Variants in ICE1 observed in about 807,000 individuals in gnomAD.
ICE1 encodes interactor of little elongation complex ELL subunit 1.
A neutral mutation model predicts 192.7 loss-of-function variants in ICE1; 64 were observed. The ratio of observed to expected loss-of-function variants is 0.33; its 90% CI spans 0.27 to 0.41. ICE1 has a LOEUF of 0.41. Among genes scored for constraint, ICE1 ranks in the 10% least tolerant of loss-of-function variants. ICE1 has a pLI of 1.00. For synonymous variants in ICE1, 1,010 were observed against 984.5 expected, an observed-to-expected ratio of 1.03 and a Z score of -0.49; for missense variants, 2,708 against 2,696.0, an observed-to-expected ratio of 1.00 and a Z score of -0.10.
intron 1 of ICE1, 143 bp downstream of exon 1, chr5:5,423,142 C>T (rs1357618475): frequency 9.2e-6 from 4 of 434,844 alleles, no homozygotes; most frequent in East Asian, 3.8e-5. Context: ...TCGCTCGTCT[C>T]TCTGCTCTCT....
intron 1 of ICE1, among the ~76,000 whole-genome samples, chr5:5,428,661 C>T (rs749186253): frequency 6.6e-6 from 1 of 152,160 alleles, no homozygotes; most frequent in Non-Finnish European, 1.5e-5. Flanking sequence ...AACATAATTA[C>T]CCTACACCCC....
chr5:5,464,747 G>A lies in ICE1; in HGVS notation c.5413G>A (p.Ala1805Thr), dbSNP rs1738927020. 6.2e-7 allele frequency: 1 copy of A among 1,613,742 alleles called. No individual in the cohort carries two copies. Among genetic ancestry groups the A allele is most frequent in the Non-Finnish European group, 8.5e-7 (1 of 1,179,858 alleles). Residue 1805 changes from alanine (A) to threonine (T), a missense_variant, in exon 13 of 19, where the codon GCT becomes ACT. Ala to Thr is a moderately conservative substitution (Grantham distance 58). This residue lies in a region of ICE1 where 2,366 missense variants were observed against 2,276.6 expected (regional missense o/e 1.04). Coordinates refer to ENST00000296564, the MANE Select transcript of ICE1 (RefSeq NM_015325.3). The surrounding 1 kb of genome is among the most constrained non-coding windows in gnomAD (Gnocchi z 4.0). ...GFKTITSAATAFVKTGSSSGG... is the reference protein window; with the variant it reads ...GFKTITSAATTFVKTGSSSGG... ...CAAAACGATCACTTCAGCAGCAACT[G>A]CTTTTGTCAAAACTGGGAGCAGCTC...
chr5:5,479,343 GCTC>G (rs1284274122), intron 17 of ICE1, among the ~76,000 whole-genome samples: 1 of 152,194 alleles, frequency 6.6e-6, no homozygotes, highest in Admixed American at 6.5e-5. Flanking sequence ...ATGAAAAAAA[GCTC>G]ATCATTCACT....
At position 5,443,155 on chromosome 5, in the gene ICE1, TCTTTTTTTA is replaced by T; in HGVS notation, c.310-12_310-4del. 2 of 1,418,708 alleles carry T rather than the reference TCTTTTTTTA, an allele frequency of 1.4e-6. No individual in the cohort carries two copies. The highest frequency in any genetic ancestry group is 1.9e-6 in the Non-Finnish European group (2 of 1,048,592). The allele number at this position is 1,418,708 out of a possible 1,614,324, so 87.9% of individuals were successfully genotyped here. A position where few individuals can be genotyped will look rare whatever the true frequency, so the allele number is the denominator to read the frequency against. On this transcript the variant is annotated splice_polypyrimidine_tract_variant and splice_region_variant and intron_variant, in intron 5 of 18. Transcript: ENST00000296564. The stretch of plus-strand genomic sequence containing the variant: ...TCATTTTGACAATATCTGTTTTTTT[TCTTTTTTTA>T]AAGAGTTCTTTAAAGTTGTATCAGG...
chr5:5,447,627 C>T, intron 8 of ICE1, 94 bp from the exon 9 acceptor site: 1 of 1,378,908 alleles, frequency 7.3e-7, no homozygotes, highest in Non-Finnish European at 1.0e-6. Context: ...AAAACAGTCC[C>T]AGCTGCCTGT....
intron 10 of ICE1, among the ~76,000 whole-genome samples, chr5:5,448,327 G>A (rs960767127): frequency 6.6e-6 from 1 of 152,184 alleles, no homozygotes; most frequent in African/African-American, 2.4e-5. Context: ...AGTATAGACA[G>A]AAAAGTTTAG....
At chr5:5,427,663 A>G (rs747989394) in intron 1 of ICE1, among the ~76,000 whole-genome samples, 4 of 152,198 alleles carry the variant, frequency 2.6e-5, no homozygotes, top group Non-Finnish European at 5.9e-5. Context: ...AACTTGAAAC[A>G]TTTTATTCCA....
Position 5,461,083 on chromosome 5 carries a change from C to T in ICE1, c.1749C>T (p.Gly583=), listed in dbSNP as rs1199839842. The part of the protein sequence containing the change: ...TSEPDRITVS[G]HFHRLSRELE... ...AACCAGACCGTATCACAGTTTCTGG[C>T]CATTTTCACAGACTATCTAGAGAAT... Residue 583 remains glycine (G), a synonymous_variant, in exon 13 of 19, where the codon GGC becomes GGT. Transcript: ENST00000296564. 1.2e-6 allele frequency: 2 copies of T among 1,613,990 alleles called. No homozygotes were observed. The highest frequency in any genetic ancestry group is 1.7e-6 in the Non-Finnish European group (2 of 1,179,900).
chr5:5,480,649 A>G (rs987277670), intron 17 of ICE1, among the ~76,000 whole-genome samples: 1 of 152,202 alleles, frequency 6.6e-6, no homozygotes, highest in Non-Finnish European at 1.5e-5. Context: ...ACAGTAGGAA[A>G]TACCCTGTGA....
chr5:5,463,805 T>C lies in ICE1; in HGVS notation c.4471T>C (p.Cys1491Arg), dbSNP rs765674453. Residue 1491 changes from cysteine (C) to arginine (R), a missense_variant, in exon 13 of 19, where the codon TGT becomes CGT. Physicochemically the swap from Cys to Arg is radical, Grantham distance 180 (BLOSUM62 -3). Transcript: ENST00000296564. Reference protein sequence around the residue: ...QEAPCGNNLSCPQEDVSSSGQ... With the variant: ...QEAPCGNNLSRPQEDVSSSGQ... ...GGCTCCATGTGGCAATAATCTTTCA[T>C]GTCCCCAAGAGGATGTTTCAAGCAG... 8 of 1,613,898 alleles carry C rather than the reference T, an allele frequency of 5.0e-6. No homozygotes were observed. In the East Asian group the frequency reaches 1.3e-4, roughly 27 times the overall value.
intron 1 of ICE1, among the ~76,000 whole-genome samples, chr5:5,426,296 T>G (rs755313830): frequency 1.3e-5 from 2 of 151,994 alleles, no homozygotes; most frequent in African/African-American, 2.4e-5. Context: ...AATACAAAAA[T>G]TAGCCGGGCA....
intron 1 of ICE1, among the ~76,000 whole-genome samples, chr5:5,423,792 C>T (rs940926480): frequency 2.6e-5 from 4 of 152,146 alleles, no homozygotes; most frequent in Non-Finnish European, 4.4e-5. Context: ...ACGGAACTCA[C>T]CAGCACCTCA....
intron 15 of ICE1, among the ~76,000 whole-genome samples, chr5:5,471,689 C>T (rs542113460): frequency 2.6e-5 from 4 of 152,054 alleles, no homozygotes; most frequent in Non-Finnish European, 5.9e-5. Context: ...TATTCCTAGA[C>T]TAGGAAATGA....
At chr5:5,473,347 T>C (rs527640780) in intron 15 of ICE1, among the ~76,000 whole-genome samples, 1 of 152,224 alleles carries the variant, frequency 6.6e-6, no homozygotes, top group Non-Finnish European at 1.5e-5. Context: ...GCATCCTGCC[T>C]ATATTGCTTT....
At chr5:5,457,879 G>A in intron 12 of ICE1, 138 bp downstream of exon 12, 1 of 809,714 alleles carries the variant, frequency 1.2e-6, no homozygotes, top group Middle Eastern at 2.4e-4. Context: ...GGTAACATGA[G>A]GTTTTTAAAA....
At chr5:5,426,199 A>T (rs1275628106) in intron 1 of ICE1, among the ~76,000 whole-genome samples, 1 of 152,218 alleles carries the variant, frequency 6.6e-6, no homozygotes, top group African/African-American at 2.4e-5. Context: ...TGTAATCCCA[A>T]CACTTTGGGA....
intron 12 of ICE1, among the ~76,000 whole-genome samples, chr5:5,458,023 T>C (rs1328113989): frequency 1.3e-5 from 2 of 152,214 alleles, no homozygotes; most frequent in Non-Finnish European, 2.9e-5. Context: ...TTAATTGTTT[T>C]TATCTCTTGA....
chr5:5,457,241 C>G, intron 11 of ICE1, 91 bp from the exon 12 acceptor site: 1 of 1,222,394 alleles, frequency 8.2e-7, no homozygotes. Context: ...GCATTTTGAA[C>G]TGTTGTAATA....
chr5:5,486,202 G>T (rs1739634488), intron 17 of ICE1, among the ~76,000 whole-genome samples: 1 of 152,210 alleles, frequency 6.6e-6, no homozygotes, highest in African/African-American at 2.4e-5. Flanking sequence ...TGGCAGTGGA[G>T]AATAACTCCC....
Sources: allele counts gnomAD v4.1 joint callset (sites outside exome capture counted in the v4.1 genomes callset), GRCh38; gene constraint gnomAD v4.1.1; regional missense constraint gnomAD v4.1.1; non-coding constraint Gnocchi (gnomAD v3.1); transcripts MANE v1.5; gene names NCBI Gene and HGNC (gene_info 2026-07-23, HGNC 2026-07-21).